Variants in SLC35F5 observed in about 807,000 individuals in gnomAD.
The protein encoded by SLC35F5 is solute carrier family 35 member F5.
In SLC35F5, 54 loss-of-function variants were observed where a neutral mutation model predicts 68.6. That is an observed-to-expected ratio of 0.79 (90% confidence interval 0.63 to 0.99). The LOEUF (loss-of-function observed/expected upper bound fraction) is 0.99, where lower values mean the gene tolerates loss of function less well. Among genes scored for constraint, SLC35F5 ranks in the 50% least tolerant of loss-of-function variants. The pLI is 0.00. For missense variants in SLC35F5, 567 were observed against 626.9 expected, an observed-to-expected ratio of 0.90 and a Z score of 1.02; for synonymous variants, 211 against 205.2, an observed-to-expected ratio of 1.03 and a Z score of -0.24.
chr2:113,752,083 G>A (rs1344937943), intron 3 of SLC35F5, among the ~76,000 whole-genome samples: 1 of 151,614 alleles, frequency 6.6e-6, no homozygotes, highest in African/African-American at 2.4e-5. Context: ...GTGGTGGCAG[G>A]TGCCTATAAT....
chr2:113,735,930 C>T, intron 7 of SLC35F5, 72 bp from the exon 8 acceptor site: 1 of 980,842 alleles, frequency 1.0e-6, no homozygotes, highest in Non-Finnish European at 1.6e-6. Flanking sequence ...ATTCAGAATT[C>T]CCTTTTTTGT....
At chr2:113,735,680 G>A (rs1345989847) in intron 8 of SLC35F5, 97 bp downstream of exon 8, 2 of 719,978 alleles carry the variant, frequency 2.8e-6, no homozygotes, top group Non-Finnish European at 4.6e-6. Flanking sequence ...AATGTAAGAA[G>A]CTATAACAAG....
intron 9 of SLC35F5, 46 bp downstream of exon 9, chr2:113,734,540 T>C: frequency 9.3e-7 from 1 of 1,074,200 alleles, no homozygotes; most frequent in Non-Finnish European, 1.4e-6. Flanking sequence ...AATTGTAATA[T>C]TGTATTTTTA....
chr2:113,756,168 C>A, intron 1 of SLC35F5: 1 of 1,455,908 alleles, frequency 6.9e-7, no homozygotes, highest in Non-Finnish European at 9.0e-7. Context: ...GGCGAGGGCG[C>A]ACGCACGGCT....
chr2:113,723,237 A>ACAC (rs2104988415), intron 12 of SLC35F5, 43 bp from the exon 13 acceptor site: 1 of 1,421,654 alleles, frequency 7.0e-7, no homozygotes, highest in Non-Finnish European at 9.5e-7. Flanking sequence ...AAAAAATTAA[A>ACAC]CCAAAGAAAA....
chr2:113,754,809 T>C (rs916379145), intron 3 of SLC35F5, among the ~76,000 whole-genome samples: 16 of 152,334 alleles, frequency 1.1e-4, no homozygotes, highest in Non-Finnish European at 7.3e-5. Context: ...AACCTTCTAC[T>C]AAATGGTGAC....
At chr2:113,718,870 AAAGAAAGAAAGAAAGAAAG>A (rs1687286259) in intron 14 of SLC35F5, among the ~76,000 whole-genome samples, 1 of 26,898 alleles carries the variant, frequency 3.7e-5, no homozygotes, top group African/African-American at 1.1e-4. Flanking sequence ...AAAGAAAAAG[AAAGAAAGAAAGAAAGAAAG>A]AAAGAAAGAA....
rs1306793763 is a variant in SLC35F5, at chr2:113,711,094, A to AT, written c.*4123dup. Among the ~76,000 whole-genome samples, 9 of 152,352 alleles carry AT rather than the reference A, an allele frequency of 5.9e-5. No homozygotes were observed. In the East Asian group the frequency reaches 1.7e-3, roughly 29 times the overall value. ...GAAGCTTTACTTTTCTAATTTTAAA[A>AT]TATCATGAATGAAATGGTGTCTTCA... On this transcript the variant is annotated 3_prime_UTR_variant, in exon 16 of 16. Transcript: ENST00000245680.
chr2:113,753,247 C>T (rs1676830933), intron 3 of SLC35F5, among the ~76,000 whole-genome samples: 1 of 124,318 alleles, frequency 8.0e-6, no homozygotes, highest in South Asian at 2.7e-4. Context: ...GGCATGATCT[C>T]AGCTCACTGC....
chr2:113,722,390 C>A (rs537272575), intron 13 of SLC35F5, among the ~76,000 whole-genome samples: 23 of 64,308 alleles, frequency 3.6e-4, no homozygotes, highest in Admixed American at 9.6e-4. Context: ...CACATACATA[C>A]ACACACACAC....
chr2:113,717,914 A>T, intron 14 of SLC35F5, 64 bp from the exon 15 acceptor site: 1 of 1,120,878 alleles, frequency 8.9e-7, no homozygotes, highest in Non-Finnish European at 1.3e-6. Flanking sequence ...CTCAAACCTT[A>T]TTTATTCCAT....
At chr2:113,721,417 T>C (rs921682274) in intron 13 of SLC35F5, 2 of 154,128 alleles carry the variant, frequency 1.3e-5, no homozygotes, top group African/African-American at 4.8e-5. Context: ...GTGCATACAT[T>C]TCCCCGTTTT....
intron 14 of SLC35F5, among the ~76,000 whole-genome samples, chr2:113,718,867 AAG>A (rs1687284908): frequency 4.0e-5 from 1 of 24,868 alleles, no homozygotes; most frequent in Non-Finnish European, 1.0e-4. Flanking sequence ...GAGAAAGAAA[AAG>A]AAAGAAAGAA....
intron 13 of SLC35F5, among the ~76,000 whole-genome samples, chr2:113,721,971 C>CT (rs71297192): frequency 0.025 from 2,669 of 107,610 alleles, 122 homozygotes; most frequent in African/African-American, 0.072. Flanking sequence ...TTGCTTTTAT[C>CT]TTTTTTTTTT....
At chr2:113,736,102 GT>G (rs5833509) in intron 7 of SLC35F5, among the ~76,000 whole-genome samples, 16,557 of 145,600 alleles carry the variant, frequency 0.11, 942 homozygotes, top group Non-Finnish European at 0.13. Flanking sequence ...TAGCATTCAG[GT>G]TTTTTTTTTT....
downstream of SLC35F5, among the ~76,000 whole-genome samples, chr2:113,704,333 C>T (rs1686757255): frequency 6.6e-6 from 1 of 152,240 alleles, no homozygotes; most frequent in Admixed American, 6.5e-5. Context: ...CAAGTCCCCA[C>T]CAGAGTCAGG....
chr2:113,735,659 A>G, intron 8 of SLC35F5, 118 bp downstream of exon 8: 2 of 616,208 alleles, frequency 3.2e-6, no homozygotes, highest in South Asian at 2.3e-5. Flanking sequence ...AGACTAATGT[A>G]TATTAGAACT....
rs146845885 is a variant in SLC35F5 at position 113,709,681 on chromosome 2, G to C, written c.*5537C>G. Among the ~76,000 whole-genome samples, 93 of 152,286 alleles carry C rather than the reference G, an allele frequency of 6.1e-4. No individual in the cohort carries two copies. Among genetic ancestry groups the C allele is most frequent in the African/African-American group, 2.1e-3 (89 of 41,560 alleles). On this transcript the variant is annotated 3_prime_UTR_variant, in exon 16 of 16. Coordinates refer to ENST00000245680, the MANE Select transcript of SLC35F5 (RefSeq NM_025181.5). ...TCTTCTCAGAGTAATAATCTGCAAA[G>C]TGTGGTCCTGGGACCAGCAGCTGGG...
At position 113,708,088 on chromosome 2, in the gene SLC35F5, T is replaced by A. The variant is rs113782282; in HGVS notation, c.*7130A>T. On this transcript the variant is annotated 3_prime_UTR_variant, in exon 16 of 16. Transcript: ENST00000245680. ...TATCCAAGGAAATTCCTCCCACCCA[T>A]GCCACCAGTGCTCATCCTGTGGGCA... Among the ~76,000 whole-genome samples the A allele has an allele frequency of 3.3e-5, 5 of 152,164 alleles. No homozygotes were observed. The highest frequency in any genetic ancestry group is 9.7e-5 in the African/African-American group (4 of 41,450).
Sources: allele counts gnomAD v4.1 joint callset (sites outside exome capture counted in the v4.1 genomes callset), GRCh38; gene constraint gnomAD v4.1.1; transcripts MANE v1.5; gene names NCBI Gene and HGNC (gene_info 2026-07-23, HGNC 2026-07-21).